Variants in DHX58 observed in about 807,000 individuals in gnomAD.
DHX58 encodes the protein DExH-box helicase 58.
Under a neutral mutation model 65.0 loss-of-function variants are expected in DHX58, and 51 were observed. The ratio of observed to expected loss-of-function variants is 0.78; its 90% confidence interval spans 0.63 to 0.99. The LOEUF is 0.99. DHX58 is among the 50% of genes least tolerant of loss of function. The pLI, the probability that DHX58 is intolerant of heterozygous loss-of-function variation, is 0.00. For synonymous variants in DHX58, 350 were observed against 365.0 expected (o/e 0.96, Z 0.47); for missense variants, 773 against 891.8 (o/e 0.87, Z 1.70).
Position 42,111,303 on chromosome 17 carries a change from C to G in DHX58, c.363G>C (p.Glu121Asp), listed in dbSNP as rs1555664112. 9 of 1,611,996 alleles carry G rather than the reference C, an allele frequency of 5.6e-6. No individual in the cohort carries two copies. Among genetic ancestry groups the G allele is most frequent in the African/African-American group, 1.3e-5 (1 of 74,896 alleles). The change falls in exon 4 of 14, where the codon GAG becomes GAC. Residue 121 changes from glutamate (E) to aspartate (D), a missense_variant. Glu to Asp is a conservative substitution (Grantham distance 45). Transcript: ENST00000251642. ...LTSPEEEEHV[E>D]LTVFSLIVVD... is the part of the protein sequence containing the mutation. The stretch of plus-strand genomic sequence containing the variant: ...CCCGGCCATGGCCCTCACCAGTGAG[C>G]TCCACGTGCTCCTCCTCCTCGGGGC...
At chr17:42,111,269 C>A in intron 4 of DHX58, 27 bp downstream of exon 4, 1 of 1,601,750 alleles carries the variant, frequency 6.2e-7, no homozygotes, top group African/African-American at 1.3e-5. Context: ...AGATGCGTAT[C>A]TTTTTCCTCC....
At chr17:42,108,630 C>T (rs1268831958) in intron 6 of DHX58, among the ~76,000 whole-genome samples, 2 of 149,868 alleles carry the variant, frequency 1.3e-5, no homozygotes, top group South Asian at 2.1e-4. Context: ...GCCAGGAACC[C>T]GCTTGTGCCC....
At chr17:42,111,971 C>T in intron 2 of DHX58, 78 bp from the exon 3 acceptor site, 2 of 1,509,192 alleles carry the variant, frequency 1.3e-6, no homozygotes, top group Non-Finnish European at 1.8e-6. Context: ...AGTACAGAGA[C>T]CTCCCTTTGC....
intron 7 of DHX58, 75 bp from the exon 8 acceptor site, chr17:42,107,870 C>T: frequency 6.4e-7 from 1 of 1,550,720 alleles, no homozygotes; most frequent in South Asian, 1.2e-5. Context: ...CCGTCCCACT[C>T]GACTCCACCC....
intron 5 of DHX58, among the ~76,000 whole-genome samples, chr17:42,110,117 G>A (rs573586232): frequency 6.6e-6 from 1 of 151,644 alleles, no homozygotes; most frequent in Non-Finnish European, 1.5e-5. Context: ...AACCTGGGAG[G>A]CGGAGGTTGC....
intron 5 of DHX58, 35 bp from the exon 6 acceptor site, chr17:42,109,421 G>T: frequency 6.4e-7 from 1 of 1,569,884 alleles, no homozygotes; most frequent in South Asian, 1.1e-5. Flanking sequence ...GGAAAGGGAG[G>T]GTCTGTGGGG....
At position 42,102,468 on chromosome 17, in the gene DHX58, T is replaced by C. The variant is rs113991242; in HGVS notation, c.1755-156A>G. Reference sequence around the variant, plus strand: ...GCCAGGAAATCCAATCTTTGGTGAGTTCTACCTGTGTGGCCTCCATCGCAC... The same window carrying C: ...GCCAGGAAATCCAATCTTTGGTGAGCTCTACCTGTGTGGCCTCCATCGCAC... On this transcript the variant is annotated intron_variant, in intron 12 of 13. Transcript: ENST00000251642. 9.9e-4 allele frequency: 646 copies of C among 650,712 alleles called. 4 individuals are homozygous for C. The African/African-American group carries it at 0.01, about 10-fold the overall frequency. The allele number at this position is 650,712 out of a possible 1,614,324, so 40.3% of individuals were successfully genotyped here.
intron 11 of DHX58, among the ~76,000 whole-genome samples, chr17:42,104,492 G>A (rs1466495483): frequency 6.6e-6 from 1 of 152,114 alleles, no homozygotes; most frequent in Non-Finnish European, 1.5e-5. Flanking sequence ...TTCCAGAAAG[G>A]CTGTAATGCA....
intron 8 of DHX58, among the ~76,000 whole-genome samples, chr17:42,107,071 A>G (rs2054071704): frequency 6.6e-6 from 1 of 151,952 alleles, no homozygotes; most frequent in Non-Finnish European, 1.5e-5. Context: ...AATCCTTTTA[A>G]AAAATCTGGG....
intron 6 of DHX58, 83 bp downstream of exon 6, chr17:42,109,187 G>A: frequency 1.7e-6 from 2 of 1,177,900 alleles, no homozygotes; most frequent in South Asian, 1.5e-5. Context: ...CACAGAGCTA[G>A]TGAGGGCAGA....
intron 5 of DHX58, among the ~76,000 whole-genome samples, 186 bp downstream of exon 5, chr17:42,110,537 G>C (rs1346777772): frequency 6.6e-6 from 1 of 152,246 alleles, no homozygotes; most frequent in Non-Finnish European, 1.5e-5. Flanking sequence ...CCACAGTAGA[G>C]TCGGGAGTTA....
At position 42,101,741 on chromosome 17, in the gene DHX58, G is replaced by A. The variant is rs1555661556; in HGVS notation, c.*20C>T. On this transcript the variant is annotated 3_prime_UTR_variant, in exon 14 of 14. Transcript: ENST00000251642. ...TCCCGCCCCCTACAGCCCAAACCGGGCACTGCAGCAATGAGGTGGTCAGTC... is the reference window on the plus strand; with the variant it reads ...TCCCGCCCCCTACAGCCCAAACCGGACACTGCAGCAATGAGGTGGTCAGTC... 1.2e-6 allele frequency: 2 copies of A among 1,611,498 alleles called. No individual in the cohort carries two copies. The highest frequency in any genetic ancestry group is 1.7e-6 in the Non-Finnish European group (2 of 1,178,268).
chr17:42,111,795 GCCCGGGTCTTCCCGGCA>G lies in DHX58; in HGVS notation c.81_97del (p.Ala28GlyfsTer32). On this transcript the variant is annotated frameshift_variant, in exon 3 of 14. Coordinates refer to ENST00000251642, the MANE Select transcript of DHX58 (RefSeq NM_024119.3). LOFTEE classifies it high-confidence loss of function. ...GTGCCGCTTGGCCACATAAGCAGCC[GCCCGGGTCTTCCCGGCA>G]CCCGTGGGCAGCCAGATGATGATAT... 6.2e-7 allele frequency: 1 copy of G among 1,614,028 alleles called. No homozygotes were observed. The highest frequency in any genetic ancestry group is 8.5e-7 in the Non-Finnish European group (1 of 1,179,954).
At chr17:42,107,408 A>C (rs2143999485) in intron 8 of DHX58, among the ~76,000 whole-genome samples, 196 bp downstream of exon 8, 1 of 152,282 alleles carries the variant, frequency 6.6e-6, no homozygotes, top group East Asian at 1.9e-4. Context: ...TAATTTTAAC[A>C]ACTAAGCAAA....
rs1555661963 is a variant in DHX58 at position 42,103,677 on chromosome 17, G to A, written c.1685C>T (p.Ala562Val). 13 of 1,614,010 alleles carry A rather than the reference G, an allele frequency of 8.1e-6. No homozygotes were observed. The highest frequency in any genetic ancestry group is 7.7e-5 in the South Asian group (7 of 91,088). ...VQLLCINCMV[A>V]VGHGSDLRKV... ...CCGCAGGTCGCTGCCATGGCCCACA[G>A]CCACCATGCAGTTGATGCAGAGTAG... The change falls in exon 12 of 14, where the codon GCT (alanine) becomes GTT (valine). Residue 562 changes from alanine to valine, a missense_variant. Transcript: ENST00000251642.
intron 13 of DHX58, 112 bp downstream of exon 13, chr17:42,102,104 A>C: frequency 1.4e-6 from 2 of 1,440,002 alleles, no homozygotes; most frequent in Non-Finnish European, 9.6e-7. Context: ...CCCTCTTCAG[A>C]CTGGAGGCCA....
chr17:42,102,722 C>G (rs1275561738), intron 12 of DHX58: 1 of 158,938 alleles, frequency 6.3e-6, no homozygotes, highest in Admixed American at 6.4e-5. Flanking sequence ...CCTGACCTTT[C>G]AAATCTTCCA....
intron 6 of DHX58, 85 bp downstream of exon 6, chr17:42,109,185 T>G: frequency 8.9e-7 from 1 of 1,129,432 alleles, no homozygotes; most frequent in South Asian, 1.6e-5. Context: ...GTCACAGAGC[T>G]AGTGAGGGCA....
At position 42,111,208 on chromosome 17, in the gene DHX58, CA is replaced by C. The variant is rs2054146015; in HGVS notation, c.370+87del. 3 of 1,514,078 alleles carry C rather than the reference CA, an allele frequency of 2.0e-6. No individual in the cohort carries two copies. In the African/African-American group the frequency reaches 4.1e-5, roughly 21 times the overall value. The allele number at this position is 1,514,078 out of a possible 1,614,324, so 93.8% of individuals were successfully genotyped here. A position where few individuals can be genotyped will look rare whatever the true frequency, so the allele number is the denominator to read the frequency against. ...AACCCCTCACTCCCACTAAAACTCC[CA>C]ACACCTTGACTCCAGGAGGTGCCCT... On this transcript the variant is annotated intron_variant, in intron 4 of 13. Coordinates refer to ENST00000251642, the MANE Select transcript of DHX58 (RefSeq NM_024119.3).
Sources: allele counts gnomAD v4.1 joint callset (sites outside exome capture counted in the v4.1 genomes callset), GRCh38; gene constraint gnomAD v4.1.1; transcripts MANE v1.5; gene names NCBI Gene and HGNC (gene_info 2026-07-23, HGNC 2026-07-21).